The following ADGRG2 variants were observed in gnomAD, a reference collection of about 807,000 sequenced individuals.
The protein encoded by ADGRG2 is G protein-coupled receptor 64.
Under a neutral mutation model 74.1 loss-of-function variants are expected in ADGRG2, and 26 were observed. The observed-to-expected ratio is 0.35, with a 90% CI of 0.26 to 0.49. The LOEUF (loss-of-function observed/expected upper bound fraction) is 0.49. Ranked by LOEUF, ADGRG2 falls within the 20% of genes least tolerant of loss-of-function variation. The pLI is 0.99. For synonymous variants in ADGRG2, 296 were observed against 295.2 expected (o/e 1.00, Z -0.03); for missense variants, 619 against 763.1 (o/e 0.81, Z 2.22).
intron 1 of ADGRG2, among the ~76,000 whole-genome samples, chrX:19,112,473 T>G (rs1030557222): frequency 1.8e-5 from 2 of 110,110 alleles, no homozygotes; most frequent in Non-Finnish European, 3.8e-5. Context: ...GACAATGCCC[T>G]GGCCAAGTGA....
chrX:19,062,168 C>A (rs1469418390), intron 3 of ADGRG2, among the ~76,000 whole-genome samples: 1 of 111,984 alleles, frequency 8.9e-6, no homozygotes, highest in East Asian at 2.8e-4. Context: ...CCACTAAGAA[C>A]ATGAGGGTAC....
chrX:18,998,971 T>G (rs768248584), intron 26 of ADGRG2, 25 bp downstream of exon 26: 1 of 1,119,796 alleles, frequency 8.9e-7, no homozygotes, highest in African/African-American at 1.8e-5. Flanking sequence ...ATCATTCAGT[T>G]TGTATTTGAT....
chrX:19,037,516 T>C lies in ADGRG2; in HGVS notation c.203-26A>G, dbSNP rs756331180. The C allele has an allele frequency of 4.3e-6, 5 of 1,152,245 alleles. No homozygotes were observed. The African/African-American group carries it at 8.9e-5, about 21-fold the overall frequency. 95.0% of individuals were successfully genotyped at this position (1,152,245 alleles called of 1,213,427 possible). A position where few individuals can be genotyped will look rare whatever the true frequency, so the allele number is the denominator to read the frequency against. On this transcript the variant is annotated intron_variant, in intron 5 of 28. Transcript: ENST00000379869. ...CTTTTTGTCCCGAGGAGAAAAACAA[T>C]ACAAAGATATAATTAAAACAAAACT...
chrX:19,106,578 A>C (rs1490099409), intron 1 of ADGRG2, among the ~76,000 whole-genome samples: 1 of 108,761 alleles, frequency 9.2e-6, no homozygotes, highest in Non-Finnish European at 1.9e-5. Flanking sequence ...ATTTGAGGAG[A>C]GTCCAGGTGA....
At chrX:18,992,137 G>A (rs980775345) in intron 28 of ADGRG2, among the ~76,000 whole-genome samples, 9 of 111,900 alleles carry the variant, frequency 8.0e-5, no homozygotes, top group Non-Finnish European at 1.5e-4. Context: ...TGCAAACTAG[G>A]TGATGAATAT....
chrX:19,010,088 C>T (rs370583228), intron 17 of ADGRG2, among the ~76,000 whole-genome samples: 1 of 108,531 alleles, frequency 9.2e-6, no homozygotes, highest in Non-Finnish European at 1.9e-5. Flanking sequence ...GGATTACAGG[C>T]GTGAGCCATC....
chrX:19,113,355 CTCAA>C (rs927727332), intron 1 of ADGRG2, among the ~76,000 whole-genome samples: 2 of 110,914 alleles, frequency 1.8e-5, no homozygotes, highest in Admixed American at 9.7e-5. Context: ...TCCAGCCTAT[CTCAA>C]TCAATCAATC....
At chrX:19,047,603 C>A (rs774301666) in intron 3 of ADGRG2, among the ~76,000 whole-genome samples, 1 of 112,104 alleles carries the variant, frequency 8.9e-6, no homozygotes, top group South Asian at 3.7e-4. Context: ...ACTAGCTCTC[C>A]TTGCATGAAT....
chrX:19,002,796 G>A (rs778582797), intron 24 of ADGRG2, 50 bp downstream of exon 24: 3 of 1,140,653 alleles, frequency 2.6e-6, no homozygotes, highest in Non-Finnish European at 2.4e-6. Flanking sequence ...CAAAACACTA[G>A]AGAAAAGGCA....
Position 19,014,058 on chromosome X carries a change from T to C in ADGRG2, c.727A>G (p.Ile243Val). 3.3e-6 allele frequency: 4 copies of C among 1,202,662 alleles called. No homozygotes were observed. The highest frequency in any genetic ancestry group is 3.4e-6 in the Non-Finnish European group (3 of 890,296). Reference sequence around the variant, plus strand: ...CGTGGATGGTCAGCAAGACAGACAATGGGATCCTGCAGGTCACTAAAGGAA... The same window carrying C: ...CGTGGATGGTCAGCAAGACAGACAACGGGATCCTGCAGGTCACTAAAGGAA... ...EKLQCDLQDP[I>V]VCLADHPRGP... Residue 243 changes from isoleucine (I) to valine (V), a missense_variant, in exon 16 of 29, where the codon ATT becomes GTT. Physicochemically the swap from Ile to Val is conservative, Grantham distance 29. This residue lies in a region of ADGRG2 where 292 missense variants were observed against 318.0 expected (regional missense o/e 0.92). Transcript: ENST00000379869.
intron 17 of ADGRG2, among the ~76,000 whole-genome samples, chrX:19,010,364 G>A (rs896805940): frequency 9.0e-6 from 1 of 110,750 alleles, no homozygotes; most frequent in Non-Finnish European, 1.9e-5. Flanking sequence ...CAAGCGATCC[G>A]CCCACCTCAG....
intron 1 of ADGRG2, among the ~76,000 whole-genome samples, chrX:19,100,942 G>A (rs762573251): frequency 1.8e-5 from 2 of 113,278 alleles, no homozygotes; most frequent in South Asian, 7.1e-4. Context: ...AGGATTATTT[G>A]CAAAACCAAT....
At chrX:19,060,886 G>A (rs910838910) in intron 3 of ADGRG2, among the ~76,000 whole-genome samples, 1 of 111,373 alleles carries the variant, frequency 9.0e-6, no homozygotes, top group African/African-American at 3.3e-5. Context: ...TGATTCCAAT[G>A]TGCACCCAAA....
intron 28 of ADGRG2, among the ~76,000 whole-genome samples, chrX:18,992,961 T>C (rs902493575): frequency 1.8e-5 from 2 of 112,048 alleles, no homozygotes; most frequent in African/African-American, 6.5e-5. Context: ...TTGATGTCTC[T>C]CCTTTCAATT....
At chrX:19,042,180 T>A (rs1438289483) in intron 3 of ADGRG2, among the ~76,000 whole-genome samples, 1 of 111,610 alleles carries the variant, frequency 9.0e-6, no homozygotes, top group Non-Finnish European at 1.9e-5. Flanking sequence ...CATCTTAGTA[T>A]GAGTTCATTT....
chrX:19,093,902 TAC>T (rs61296210), intron 1 of ADGRG2, among the ~76,000 whole-genome samples: 3,703 of 99,727 alleles, frequency 0.037, 73 homozygotes, highest in Middle Eastern at 0.057. Flanking sequence ...TATGTAGGTA[TAC>T]ACACACACAC....
At chrX:19,086,711 T>C (rs148804066) in intron 1 of ADGRG2, among the ~76,000 whole-genome samples, 106 of 111,154 alleles carry the variant, frequency 9.5e-4, no homozygotes, top group African/African-American at 3.4e-3. Flanking sequence ...CCCAGGCAGT[T>C]GTCCCACTGC....
At chrX:19,090,176 TTC>T (rs1375694869) in intron 1 of ADGRG2, among the ~76,000 whole-genome samples, 2 of 111,998 alleles carry the variant, frequency 1.8e-5, no homozygotes, top group African/African-American at 3.2e-5. Context: ...CATAAGCAGA[TTC>T]TGCAGACCTT....
At chrX:18,997,687 C>G (rs1003293339) in intron 26 of ADGRG2, among the ~76,000 whole-genome samples, 1 of 112,107 alleles carries the variant, frequency 8.9e-6, no homozygotes, top group Admixed American at 9.5e-5. Context: ...CTGGCTTCCT[C>G]CAAATTAAAA....
Sources: allele counts gnomAD v4.1 joint callset (sites outside exome capture counted in the v4.1 genomes callset), GRCh38; gene constraint gnomAD v4.1.1; regional missense constraint gnomAD v4.1.1; transcripts MANE v1.5; gene names NCBI Gene and HGNC (gene_info 2026-07-23, HGNC 2026-07-21).